The following ARNT variants were observed in gnomAD, a reference collection of about 807,000 sequenced individuals.
ARNT encodes aryl hydrocarbon receptor nuclear translocator.
ARNT carries 30 observed loss-of-function variants against 105.0 expected under a neutral mutation model. The observed-to-expected ratio is 0.29, with a 90% CI of 0.21 to 0.39. The LOEUF is 0.39. Ranked by LOEUF, ARNT falls within the 10% of genes least tolerant of loss-of-function variation. The probability of loss-of-function intolerance (pLI) is 1.00; values close to 1 mark genes in which losing one functional copy is unlikely to be tolerated. For synonymous variants in ARNT, 304 were observed against 344.0 expected (o/e 0.88, Z 1.29); for missense variants, 748 against 978.7 (o/e 0.76, Z 3.15).
In ARNT at chr1:150,856,191, G is replaced by A. The variant is rs587670895; in HGVS notation, c.137+2158C>T. On this transcript the variant is annotated intron_variant, in intron 2 of 21. Coordinates refer to ENST00000358595, the MANE Select transcript of ARNT (RefSeq NM_001668.4). Reference sequence around the variant, plus strand: ...TGCAGTGGCTCGTGCCTGTAATCCCGCACTTCGGGAGGCCAAGGCGGGTGG... The same window carrying A: ...TGCAGTGGCTCGTGCCTGTAATCCCACACTTCGGGAGGCCAAGGCGGGTGG... Among the ~76,000 whole-genome samples the A allele has an allele frequency of 1.1e-4, 16 of 151,920 alleles. No homozygotes were observed. The East Asian group carries it at 1.4e-3, about 13-fold the overall frequency.
Position 150,839,424 on chromosome 1 carries a change from C to T in ARNT, c.486+17G>A, listed in dbSNP as rs763569351. 5 of 1,613,760 alleles carry T rather than the reference C, an allele frequency of 3.1e-6. No individual in the cohort carries two copies. In the South Asian group the frequency reaches 5.5e-5, roughly 18 times the overall value. On this transcript the variant is annotated intron_variant, in intron 6 of 21. Transcript: ENST00000358595. The stretch of plus-strand genomic sequence containing the variant: ...ACCCAGATTCCAGACTCTCTCAGAA[C>T]TATAAGTCCCAGAGACCTGATCAGT...
chr1:150,852,751 C>T lies in ARNT; in HGVS notation c.182+11G>A. 3 of 1,606,624 alleles carry T rather than the reference C, an allele frequency of 1.9e-6. No homozygotes were observed. Among genetic ancestry groups the T allele is most frequent in the Non-Finnish European group, 2.5e-6 (3 of 1,176,622 alleles). On this transcript the variant is annotated intron_variant, in intron 3 of 21. Coordinates refer to ENST00000358595, the MANE Select transcript of ARNT (RefSeq NM_001668.4). The stretch of plus-strand genomic sequence containing the variant: ...TATCAGACATCTAAGGAAAGTTTTT[C>T]AGTCTCTTACCTCAAAAATTTACTG...
Position 150,876,595 on chromosome 1 carries a change from ACCCC to A in ARNT, c.-32_-29del, listed in dbSNP as rs34415707. ...CCGCAGATGCCACCGCCGCCGCGCC[ACCCC>A]CCCCCCCAGTGGGAGGAGCCGCCGC... On this transcript the variant is annotated 5_prime_UTR_variant, in exon 1 of 22. Transcript: ENST00000358595. 1.5e-6 allele frequency: 2 copies of A among 1,366,858 alleles called. No individual in the cohort carries two copies. The highest frequency in any genetic ancestry group is 2.7e-5 in the South Asian group (2 of 74,810). 84.7% of individuals were successfully genotyped at this position (1,366,858 alleles called of 1,614,324 possible).
chr1:150,855,736 T>A (rs1192545554), intron 2 of ARNT, among the ~76,000 whole-genome samples: 81 of 137,034 alleles, frequency 5.9e-4, no homozygotes, highest in Middle Eastern at 7.5e-3. Context: ...ACCATGTCTT[T>A]AAAAAAAAAA....
In ARNT at chr1:150,809,793, C is replaced by T. The variant is rs954767302; in HGVS notation, c.*2228G>A. 2.0e-4 allele frequency: 45 copies of T among 219,848 alleles called. 2 individuals carry two copies. Among genetic ancestry groups the T allele is most frequent in the South Asian group, 1.9e-4 (1 of 5,398 alleles). The allele number at this position is 219,848 out of a possible 1,614,324, so 13.6% of individuals were successfully genotyped here. A position where few individuals can be genotyped will look rare whatever the true frequency, so the allele number is the denominator to read the frequency against. ...ATGTGCCCTAGTGGTTTTCAAGTCCCGACTCTTCCCCTCTCTCCCAAGAAC... is the reference window on the plus strand; with the variant it reads ...ATGTGCCCTAGTGGTTTTCAAGTCCTGACTCTTCCCCTCTCTCCCAAGAAC... On this transcript the variant is annotated 3_prime_UTR_variant, in exon 22 of 22. Transcript: ENST00000358595.
chr1:150,813,562 G>A lies in ARNT; in HGVS notation c.2114-224C>T, dbSNP rs10305745. ...AGTTCTTTACTCATTTAGGTTAAAT[G>A]TGCATACTATTAAATGTATAAAAAT... On this transcript the variant is annotated intron_variant, in intron 20 of 21. Transcript: ENST00000358595. Among the ~76,000 whole-genome samples, 1,459 of 151,776 alleles carry A rather than the reference G, an allele frequency of 9.6e-3. 42 individuals are homozygous for A. In the East Asian group the frequency reaches 0.1, roughly 11 times the overall value.
intron 3 of ARNT, among the ~76,000 whole-genome samples, chr1:150,852,125 G>A (rs1453949541): frequency 6.6e-6 from 1 of 152,036 alleles, no homozygotes; most frequent in African/African-American, 2.4e-5. Flanking sequence ...CAGAGGGTAT[G>A]ACAGAGTCAC....
intron 11 of ARNT, 135 bp downstream of exon 11, chr1:150,829,769 C>T (rs975393906): frequency 1.1e-6 from 1 of 929,790 alleles, no homozygotes; most frequent in African/African-American, 1.7e-5. Context: ...CTATAAATGC[C>T]ATATTCCTTC....
At chr1:150,858,142 A>G (rs1664949164) in intron 2 of ARNT, among the ~76,000 whole-genome samples, 1 of 152,192 alleles carries the variant, frequency 6.6e-6, no homozygotes, top group Admixed American at 6.5e-5. Flanking sequence ...TAAAAAAAGA[A>G]CTGCTTACGG....
chr1:150,871,561 A>T (rs1169406863), intron 1 of ARNT, among the ~76,000 whole-genome samples: 1 of 147,284 alleles, frequency 6.8e-6, no homozygotes, highest in East Asian at 2.1e-4. Flanking sequence ...TCGGCCTCCC[A>T]AAATGCTAGG....
chr1:150,847,328 G>A (rs1662412467), intron 3 of ARNT, among the ~76,000 whole-genome samples: 2 of 151,366 alleles, frequency 1.3e-5, no homozygotes, highest in African/African-American at 2.4e-5. Context: ...CTACTTCGGA[G>A]GCTGAGGCAG....
chr1:150,832,283 T>C (rs1659485067), intron 9 of ARNT, 51 bp downstream of exon 9: 3 of 1,581,684 alleles, frequency 1.9e-6, no homozygotes, highest in Non-Finnish European at 8.7e-7. Context: ...AATGTGATGA[T>C]CTCTGCAGGT....
At chr1:150,854,224 T>A (rs1664138082) in intron 2 of ARNT, among the ~76,000 whole-genome samples, 1 of 152,156 alleles carries the variant, frequency 6.6e-6, no homozygotes, top group East Asian at 1.9e-4. Context: ...TAGCTGGAAC[T>A]ATAGGAGCCC....
rs1487891758 is a variant in ARNT at position 150,842,566 on chromosome 1, G to T, written c.228-98C>A. On this transcript the variant is annotated intron_variant, in intron 4 of 21. Coordinates refer to ENST00000358595, the MANE Select transcript of ARNT (RefSeq NM_001668.4). The stretch of plus-strand genomic sequence containing the variant: ...GAAAAAAGGAAGGAGGGAGGGAGAG[G>T]AAATGGAGGGAGAAAAAAAAAGAAA... 8.8e-6 allele frequency: 8 copies of T among 911,928 alleles called. No individual in the cohort carries two copies. In the African/African-American group the frequency reaches 1.0e-4, roughly 12 times the overall value. The allele number at this position is 911,928 out of a possible 1,614,324, so 56.5% of individuals were successfully genotyped here.
In ARNT at chr1:150,834,557, A is replaced by T; in HGVS notation, c.784T>A (p.Ser262Thr). ...SMRMCMGSRRSFICRMRCGSS... is the reference protein window; with the variant it reads ...SMRMCMGSRRTFICRMRCGSS... ...ACTCACCTCATTCGGCAAATAAACG[A>T]TCTCCTTGAGCCCATACACATTCTC... Residue 262 changes from serine (S) to threonine (T), a missense_variant, in exon 8 of 22, where the codon TCG becomes ACG. Physicochemically the swap from Ser to Thr is moderately conservative, Grantham distance 58 (BLOSUM62 1). Transcript: ENST00000358595. 1.9e-6 allele frequency: 3 copies of T among 1,613,824 alleles called. No homozygotes were observed. The highest frequency in any genetic ancestry group is 2.5e-6 in the Non-Finnish European group (3 of 1,179,876).
chr1:150,844,192 T>G (rs1380066787), intron 4 of ARNT, among the ~76,000 whole-genome samples: 2 of 152,150 alleles, frequency 1.3e-5, no homozygotes. Flanking sequence ...TTTACAAATA[T>G]TTATTTCAAT....
chr1:150,854,575 G>T (rs1458178335), intron 2 of ARNT, among the ~76,000 whole-genome samples: 2 of 151,642 alleles, frequency 1.3e-5, no homozygotes, highest in Non-Finnish European at 2.9e-5. Flanking sequence ...AAAGAAAAGG[G>T]GCCAGCCACT....
In ARNT at chr1:150,834,763, A is replaced by G. The variant is rs1026361388; in HGVS notation, c.701-123T>C. On this transcript the variant is annotated intron_variant, in intron 7 of 21. Coordinates refer to ENST00000358595, the MANE Select transcript of ARNT (RefSeq NM_001668.4). ...TGCCCTTAATCTCCTTGCTTATAAC[A>G]GAACTGACCAAGCAGGAGATGAATT... The G allele has an allele frequency of 3.6e-5, 26 of 722,358 alleles. No homozygotes were observed. In the Admixed American group the frequency reaches 3.9e-4, roughly 11 times the overall value. The allele number at this position is 722,358 out of a possible 1,614,324, so 44.7% of individuals were successfully genotyped here.
chr1:150,830,652 A>C (rs764444052), intron 10 of ARNT, among the ~76,000 whole-genome samples: 18 of 152,220 alleles, frequency 1.2e-4, no homozygotes, highest in Non-Finnish European at 2.4e-4. Flanking sequence ...TGCTTTGCCT[A>C]ATCTGTAACT....
Sources: gnomAD v4.1 joint callset for allele counts (sites outside exome capture counted in the v4.1 genomes callset) on GRCh38, gnomAD v4.1.1 for gene constraint, MANE v1.5 for transcripts, NCBI Gene and HGNC (gene_info 2026-07-23, HGNC 2026-07-21) for gene names.